The following DPYD variants were observed in gnomAD, a reference collection of about 807,000 sequenced individuals.
DPYD encodes the protein dihydropyrimidine dehydrogenase [NADP(+)].
Under a neutral mutation model 116.2 loss-of-function variants are expected in DPYD, and 109 were observed. That is an observed-to-expected ratio of 0.94 (90% CI 0.80 to 1.10). The LOEUF (loss-of-function observed/expected upper bound fraction) is 1.10. Ranked by LOEUF, DPYD falls within the 50% of genes least tolerant of loss-of-function variation. DPYD has a pLI of 0.00. For missense variants in DPYD, 1,302 were observed against 1,254.5 expected (o/e 1.04, Z -0.57); for synonymous variants, 440 against 432.0 (o/e 1.02, Z -0.23).
intron 3 of DPYD, among the ~76,000 whole-genome samples, chr1:97,799,147 C>T (rs1667730527): frequency 6.6e-6 from 1 of 151,928 alleles, no homozygotes; most frequent in African/African-American, 2.4e-5. Flanking sequence ...CTTCTTTAGG[C>T]CAAGCTTGTT....
At chr1:97,552,346 C>CA (rs1415776502) in intron 11 of DPYD, among the ~76,000 whole-genome samples, 1 of 151,868 alleles carries the variant, frequency 6.6e-6, no homozygotes, top group Non-Finnish European at 1.5e-5. Flanking sequence ...TTTTAGGATG[C>CA]AAAAAATGTA....
chr1:97,557,669 T>A (rs542805444), intron 11 of DPYD, among the ~76,000 whole-genome samples: 1 of 152,302 alleles, frequency 6.6e-6, no homozygotes, highest in South Asian at 2.1e-4. Flanking sequence ...GTATAATCCA[T>A]GAATCTTGTT....
At position 97,381,733 on chromosome 1, in the gene DPYD, G is replaced by A. The variant is rs1287820878; in HGVS notation, c.1974+660C>T. ...GAGGTTTTCAAGGAACCCCAGCTAA[G>A]ACTCTCCAGACTATTTTCCATGACA... On this transcript the variant is annotated intron_variant, in intron 15 of 22. Coordinates refer to ENST00000370192, the MANE Select transcript of DPYD (RefSeq NM_000110.4). Among the ~76,000 whole-genome samples the A allele has an allele frequency of 3.9e-5, 6 of 152,268 alleles. No individual in the cohort carries two copies. In the East Asian group the frequency reaches 1.2e-3, roughly 29 times the overall value.
At chr1:97,110,293 G>A (rs1253852241) in intron 20 of DPYD, among the ~76,000 whole-genome samples, 1 of 151,894 alleles carries the variant, frequency 6.6e-6, no homozygotes. Flanking sequence ...CCTTCCTCAG[G>A]GAATATGTAA....
chr1:97,395,883 C>A (rs1672981178), intron 14 of DPYD, among the ~76,000 whole-genome samples: 1 of 151,992 alleles, frequency 6.6e-6, no homozygotes, highest in Non-Finnish European at 1.5e-5. Context: ...CACAGACAAG[C>A]CATCCAGCTG....
rs142534970 is a variant in DPYD, at chr1:97,685,083, G to T, written c.763-5901C>A. Among the ~76,000 whole-genome samples the T allele has an allele frequency of 6.2e-3, 944 of 152,280 alleles. 11 individuals carry two copies. The highest frequency in any genetic ancestry group is 0.022 in the African/African-American group (900 of 41,552). On this transcript the variant is annotated intron_variant, in intron 7 of 22. Coordinates refer to ENST00000370192, the MANE Select transcript of DPYD (RefSeq NM_000110.4). ...GCCAATATCCCTGATGAACATTGAT[G>T]CAAAAATCCTCAATAAAATGCTGGC... is the stretch of plus-strand genomic sequence containing the variant.
chr1:97,832,138 A>C (rs1669572306), intron 2 of DPYD, among the ~76,000 whole-genome samples: 1 of 149,154 alleles, frequency 6.7e-6, no homozygotes, highest in African/African-American at 2.5e-5. Flanking sequence ...TGGGTTAGGT[A>C]CTTTTTCTAG....
chr1:97,373,416 A>G lies in DPYD; in HGVS notation c.2058+145T>C, dbSNP rs1879374. On this transcript the variant is annotated intron_variant, in intron 16 of 22. Transcript: ENST00000370192. ...TTCCCTCATTTTCCACTTTTTAAACACTAAATATTTAAACAATGCAGACCT... is the reference window on the plus strand; with the variant it reads ...TTCCCTCATTTTCCACTTTTTAAACGCTAAATATTTAAACAATGCAGACCT... 0.06 allele frequency: 39,647 copies of G among 657,482 alleles called. 1,502 individuals carry two copies. Among genetic ancestry groups the G allele is most frequent in the African/African-American group, 0.12 (6,720 of 54,582 alleles). 40.7% of individuals were successfully genotyped at this position (657,482 alleles called of 1,614,324 possible).
rs115641030 is a variant in DPYD at position 97,258,492 on chromosome 1, T to C, written c.2300-23498A>G. 2.4e-3 allele frequency among the ~76,000 whole-genome samples: 363 copies of C among 152,314 alleles called. 1 individual carries two copies. Among genetic ancestry groups the C allele is most frequent in the African/African-American group, 8.4e-3 (349 of 41,576 alleles). On this transcript the variant is annotated intron_variant, in intron 18 of 22. Coordinates refer to ENST00000370192, the MANE Select transcript of DPYD (RefSeq NM_000110.4). ...GTTCATAATTGTGATCTAAAAGTGA[T>C]ACCTGCTTAAGTTGACTTTTGCTCC...
At chr1:97,509,106 C>T (rs764283081) in intron 13 of DPYD, among the ~76,000 whole-genome samples, 4 of 151,922 alleles carry the variant, frequency 2.6e-5, no homozygotes, top group Admixed American at 6.6e-5. Context: ...GTGAGAAGAA[C>T]TAATATCATG....
intron 10 of DPYD, among the ~76,000 whole-genome samples, chr1:97,592,769 A>T (rs755044681): frequency 9.2e-5 from 14 of 152,212 alleles, no homozygotes; most frequent in Non-Finnish European, 1.9e-4. Context: ...TATTTGCTTC[A>T]CAAATAATGA....
At chr1:97,453,824 C>G (rs1433199662) in intron 13 of DPYD, among the ~76,000 whole-genome samples, 2 of 151,936 alleles carry the variant, frequency 1.3e-5, no homozygotes, top group African/African-American at 4.8e-5. Context: ...TGAATGATCT[C>G]CTTAATCAAG....
At chr1:97,715,941 T>C (rs895869587) in intron 5 of DPYD, among the ~76,000 whole-genome samples, 4 of 152,070 alleles carry the variant, frequency 2.6e-5, no homozygotes, top group Non-Finnish European at 5.9e-5. Context: ...GTTTAAGAAT[T>C]TCAGTGACTG....
intron 10 of DPYD, among the ~76,000 whole-genome samples, chr1:97,584,604 G>C (rs1397267990): frequency 6.6e-6 from 1 of 151,756 alleles, no homozygotes; most frequent in Non-Finnish European, 1.5e-5. Flanking sequence ...ATACACCATG[G>C]AATACTATGC....
At chr1:97,516,082 AAGTC>A (rs1648216858) in intron 12 of DPYD, 141 bp from the exon 13 acceptor site, 1 of 836,640 alleles carries the variant, frequency 1.2e-6, no homozygotes. Context: ...AACTGGCAAA[AAGTC>A]AGTGAGCAGT....
chr1:97,732,135 C>T (rs75969811), intron 4 of DPYD, among the ~76,000 whole-genome samples: 273 of 152,146 alleles, frequency 1.8e-3, no homozygotes, highest in African/African-American at 6.3e-3. Flanking sequence ...TCTGAACTTC[C>T]TCTATTAAAG....
chr1:97,337,652 ATT>A (rs67279659), intron 16 of DPYD, among the ~76,000 whole-genome samples: 9,311 of 145,346 alleles, frequency 0.064, 379 homozygotes, highest in African/African-American at 0.12. Context: ...GACTTAACAC[ATT>A]TTTTTTTTTT....
Position 97,549,653 on chromosome 1 carries a change from A to C in DPYD, c.1431T>G (p.Phe477Leu). Residue 477 changes from phenylalanine to leucine, a missense_variant, in exon 12 of 23, where the codon TTT (phenylalanine) becomes TTG (leucine). By Grantham distance (22) the Phe-to-Leu change is conservative. Transcript: ENST00000370192. ...CCAAACCAACGACATCACCACCTGC[A>C]AATACCCATGCTTCACTAGTTTGCA... The part of the protein sequence containing the change: ...ETMQTSEAWV[F>L]AGGDVVGLAN... The C allele has an allele frequency of 1.9e-6, 3 of 1,613,930 alleles. No individual in the cohort carries two copies. The highest frequency in any genetic ancestry group is 2.5e-6 in the Non-Finnish European group (3 of 1,179,896).
chr1:97,703,859 G>T (rs1302347080), intron 5 of DPYD, among the ~76,000 whole-genome samples: 1 of 151,924 alleles, frequency 6.6e-6, no homozygotes, highest in Non-Finnish European at 1.5e-5. Flanking sequence ...ATGACTACAT[G>T]TTCATATACT....
Sources: allele counts gnomAD v4.1 joint callset (sites outside exome capture counted in the v4.1 genomes callset), GRCh38; gene constraint gnomAD v4.1.1; transcripts MANE v1.5; gene names NCBI Gene and HGNC (gene_info 2026-07-23, HGNC 2026-07-21).